The following NEDD4 variants were observed in gnomAD, a reference collection of about 807,000 sequenced individuals.
The protein encoded by NEDD4 is NEDD4 E3 ubiquitin protein ligase.
NEDD4 carries 99 observed loss-of-function variants against 144.9 expected under a neutral mutation model. The observed-to-expected ratio is 0.68, with a 90% confidence interval of 0.58 to 0.81. NEDD4 has a LOEUF of 0.81. Among genes scored for constraint, NEDD4 ranks in the 30% least tolerant of loss-of-function variants. The pLI is 0.00. For synonymous variants in NEDD4, 318 were observed against 350.6 expected, an observed-to-expected ratio of 0.91 and a Z score of 1.04; for missense variants, 985 against 1,065.9, an observed-to-expected ratio of 0.92 and a Z score of 1.06.
intron 4 of NEDD4, among the ~76,000 whole-genome samples, chr15:55,927,077 C>CAAAAAAAAAAAAA (rs57940091): frequency 7.2e-4 from 51 of 70,614 alleles, no homozygotes; most frequent in East Asian, 1.3e-3. Flanking sequence ...GACTACGTCT[C>CAAAAAAAAAAAAA]AAAAAAAAAA....
At chr15:55,928,021 A>G (rs2036707872) in intron 4 of NEDD4, among the ~76,000 whole-genome samples, 1 of 151,246 alleles carries the variant, frequency 6.6e-6, no homozygotes, top group African/African-American at 2.5e-5. Flanking sequence ...TACCTCAACT[A>G]TCTTTTTTTT....
intron 1 of NEDD4, among the ~76,000 whole-genome samples, chr15:55,985,878 T>A (rs181481901): frequency 1.9e-4 from 29 of 152,222 alleles, no homozygotes; most frequent in Admixed American, 9.8e-4. Context: ...AACCATTTTA[T>A]ACTAAATAGG....
At position 55,829,701 on chromosome 15, in the gene NEDD4, T is replaced by G; in HGVS notation, c.*196A>C. The G allele has an allele frequency of 2.0e-6, 1 of 509,940 alleles. No individual in the cohort carries two copies. The highest frequency in any genetic ancestry group is 2.4e-5 in the South Asian group (1 of 41,466). 31.6% of individuals were successfully genotyped at this position (509,940 alleles called of 1,614,324 possible). On this transcript the variant is annotated 3_prime_UTR_variant, in exon 29 of 29. Coordinates refer to ENST00000435532, the MANE Select transcript of NEDD4 (RefSeq NM_006154.4). ...CTCTAAAGACAGCATGAAACAACTG[T>G]GTAAATGCAACACATTATTTAAAAG...
intron 4 of NEDD4, among the ~76,000 whole-genome samples, chr15:55,936,702 G>A (rs1353059992): frequency 6.6e-6 from 1 of 152,086 alleles, no homozygotes; most frequent in Non-Finnish European, 1.5e-5. Flanking sequence ...TATGCACAGA[G>A]TAAATAACAT....
At chr15:55,956,245 C>G (rs1236425808) in intron 2 of NEDD4, among the ~76,000 whole-genome samples, 1 of 152,110 alleles carries the variant, frequency 6.6e-6, no homozygotes, top group African/African-American at 2.4e-5. Context: ...TCTAAAGATA[C>G]TTTTTCCCAA....
chr15:55,927,565 T>C (rs1376812075), intron 4 of NEDD4, among the ~76,000 whole-genome samples: 1 of 152,100 alleles, frequency 6.6e-6, no homozygotes, highest in African/African-American at 2.4e-5. Context: ...ACAAGAATAT[T>C]TTTGCATTAG....
chr15:55,900,688 A>C (rs150732136), intron 5 of NEDD4, among the ~76,000 whole-genome samples: 5 of 152,320 alleles, frequency 3.3e-5, no homozygotes, highest in Non-Finnish European at 5.9e-5. Flanking sequence ...GCTTATATGA[A>C]TCATACAAAA....
At chr15:55,982,497 G>C (rs530174837) in intron 1 of NEDD4, among the ~76,000 whole-genome samples, 26 of 152,146 alleles carry the variant, frequency 1.7e-4, no homozygotes, top group African/African-American at 5.8e-4. Flanking sequence ...ACACAAAAGA[G>C]TACATAATGT....
At chr15:55,885,317 G>A (rs1467066876) in intron 5 of NEDD4, among the ~76,000 whole-genome samples, 1 of 152,142 alleles carries the variant, frequency 6.6e-6, no homozygotes, top group African/African-American at 2.4e-5. Flanking sequence ...TCTTCAGTCT[G>A]AAAGAAAAGG....
chr15:55,989,280 C>G (rs1447695130), intron 1 of NEDD4, among the ~76,000 whole-genome samples: 1 of 152,110 alleles, frequency 6.6e-6, no homozygotes, highest in African/African-American at 2.4e-5. Flanking sequence ...TAAAAATACA[C>G]TATATTTATT....
chr15:55,848,280 C>G (rs895633411), intron 17 of NEDD4, 92 bp downstream of exon 17: 1 of 1,213,116 alleles, frequency 8.2e-7, no homozygotes, highest in Non-Finnish European at 1.2e-6. Flanking sequence ...GCTTTCCTCT[C>G]AATGCCTGTA....
intron 4 of NEDD4, among the ~76,000 whole-genome samples, chr15:55,926,591 G>C (rs1041425905): frequency 1.9e-4 from 29 of 151,964 alleles, no homozygotes; most frequent in African/African-American, 6.5e-4. Context: ...ATCATAGGGA[G>C]ACCATCTCTA....
At chr15:55,978,483 G>A (rs1163829204) in intron 1 of NEDD4, among the ~76,000 whole-genome samples, 3 of 152,150 alleles carry the variant, frequency 2.0e-5, no homozygotes, top group Non-Finnish European at 4.4e-5. Context: ...TTGAAAAGGA[G>A]GGAAAGCAGC....
intron 3 of NEDD4, 33 bp from the exon 4 acceptor site, chr15:55,951,447 A>G: frequency 7.9e-7 from 1 of 1,270,204 alleles, no homozygotes; most frequent in Non-Finnish European, 1.1e-6. Flanking sequence ...TAACTAAATA[A>G]GGTTTTGTCT....
chr15:55,881,168 T>A (rs1168926969), intron 5 of NEDD4, among the ~76,000 whole-genome samples: 1 of 148,960 alleles, frequency 6.7e-6, no homozygotes, highest in Non-Finnish European at 1.5e-5. Flanking sequence ...TGAGATGCAG[T>A]TTTACTCTTT....
At chr15:55,836,856 C>T (rs1044979600) in intron 24 of NEDD4, among the ~76,000 whole-genome samples, 1 of 151,386 alleles carries the variant, frequency 6.6e-6, no homozygotes, top group Non-Finnish European at 1.5e-5. Flanking sequence ...ATAAGGTCTC[C>T]CTATGTTGTC....
Position 55,828,267 on chromosome 15 carries a change from C to A in NEDD4, c.*1630G>T, listed in dbSNP as rs2032783385. 6.6e-6 allele frequency: 1 copy of A among 152,060 alleles called. No homozygotes were observed. Among genetic ancestry groups the A allele is most frequent in the South Asian group, 2.1e-4 (1 of 4,818 alleles). 9.4% of individuals were successfully genotyped at this position (152,060 alleles called of 1,614,324 possible). On this transcript the variant is annotated 3_prime_UTR_variant, in exon 29 of 29. Coordinates refer to ENST00000435532, the MANE Select transcript of NEDD4 (RefSeq NM_006154.4). ...AAACTTAAACCAAGAACCAGAGGTA[C>A]TTTTTACAGTTCTCACAGGGTGTGT...
At chr15:55,953,935 T>C (rs1295237627) in intron 2 of NEDD4, among the ~76,000 whole-genome samples, 2 of 152,238 alleles carry the variant, frequency 1.3e-5, no homozygotes. Context: ...TTGGCCAGGA[T>C]GGTCTCAATC....
At position 55,838,649 on chromosome 15, in the gene NEDD4, ACCTG is replaced by A. The variant is rs1318799695; in HGVS notation, c.2032-49_2032-46del. 5.1e-6 allele frequency: 7 copies of A among 1,368,302 alleles called. No homozygotes were observed. In the Admixed American group the frequency reaches 7.1e-5, roughly 14 times the overall value. The allele number at this position is 1,368,302 out of a possible 1,614,324, so 84.8% of individuals were successfully genotyped here. A position where few individuals can be genotyped will look rare whatever the true frequency, so the allele number is the denominator to read the frequency against. ...TATTTAAAATTTGTATCTATAACAC[ACCTG>A]AAATTGCAAAAAACAGTATGTAGAG... On this transcript the variant is annotated intron_variant, in intron 21 of 28. Coordinates refer to ENST00000435532, the MANE Select transcript of NEDD4 (RefSeq NM_006154.4).
Sources: allele counts gnomAD v4.1 joint callset (sites outside exome capture counted in the v4.1 genomes callset), GRCh38; gene constraint gnomAD v4.1.1; transcripts MANE v1.5; gene names NCBI Gene and HGNC (gene_info 2026-07-23, HGNC 2026-07-21).